FRA10AC1: variants seen among roughly 807,000 people sequenced by gnomAD.
FRA10AC1 encodes the protein protein FRA10AC1.
Under a neutral mutation model 56.5 loss-of-function variants are expected in FRA10AC1, and 43 were observed. That is an observed-to-expected ratio of 0.76 (90% CI 0.60 to 0.98). The LOEUF (loss-of-function observed/expected upper bound fraction) is 0.98. FRA10AC1 is among the 50% of genes least tolerant of loss of function. The probability of loss-of-function intolerance (pLI) is 0.00; values close to 1 mark genes in which losing one functional copy is unlikely to be tolerated. For missense variants in FRA10AC1, 346 were observed against 351.8 expected (o/e 0.98, Z 0.13); for synonymous variants, 112 against 110.5 (o/e 1.01, Z -0.09).
chr10:93,691,996 G>A lies in FRA10AC1; in HGVS notation c.465+13C>T, dbSNP rs749360774. ...AATAAGAACCTCTTTCCATAAATATGTGGAAAGCATACCTTATTTTCTTTA... is the reference window on the plus strand; with the variant it reads ...AATAAGAACCTCTTTCCATAAATATATGGAAAGCATACCTTATTTTCTTTA... On this transcript the variant is annotated intron_variant, in intron 7 of 13. Transcript: ENST00000359204. The A allele has an allele frequency of 1.3e-5, 20 of 1,563,396 alleles. No individual in the cohort carries two copies. The highest frequency in any genetic ancestry group is 1.6e-5 in the Non-Finnish European group (19 of 1,154,186).
chr10:93,698,065 T>A (rs1261345453), intron 4 of FRA10AC1, 71 bp downstream of exon 4: 4 of 879,010 alleles, frequency 4.6e-6, no homozygotes, highest in Non-Finnish European at 6.7e-6. Context: ...TTCACAAGAT[T>A]TTATAAAACA....
intron 10 of FRA10AC1, 57 bp downstream of exon 10, chr10:93,683,999 T>C: frequency 8.7e-7 from 1 of 1,151,094 alleles, no homozygotes; most frequent in Non-Finnish European, 1.3e-6. Context: ...TTAGTGCAGG[T>C]AAATGACTAT....
chr10:93,669,669 G>C lies in FRA10AC1; in HGVS notation c.*157C>G. 1 of 608,384 alleles carries C rather than the reference G, an allele frequency of 1.6e-6. No individual in the cohort carries two copies. The highest frequency in any genetic ancestry group is 2.9e-6 in the Non-Finnish European group (1 of 340,974). The allele number at this position is 608,384 out of a possible 1,614,324, so 37.7% of individuals were successfully genotyped here. On this transcript the variant is annotated 3_prime_UTR_variant, in exon 14 of 14. Coordinates refer to ENST00000359204, the MANE Select transcript of FRA10AC1 (RefSeq NM_145246.5). ...TTAATTGAACTAATGAACTTCCAAA[G>C]CCTCTGACATTCTGAGAGAACCTGG... is the stretch of plus-strand genomic sequence containing the variant.
chr10:93,685,388 G>T, intron 8 of FRA10AC1, 29 bp from the exon 9 acceptor site: 1 of 964,142 alleles, frequency 1.0e-6, no homozygotes, highest in South Asian at 1.4e-5. Context: ...TATTAGCTAT[G>T]GTAGTTGGTG....
Position 93,692,749 on chromosome 10 carries a change from C to T in FRA10AC1, c.297-20G>A. The T allele has an allele frequency of 6.6e-7, 1 of 1,507,794 alleles. No individual in the cohort carries two copies. Among genetic ancestry groups the T allele is most frequent in the Non-Finnish European group, 9.0e-7 (1 of 1,116,618 alleles). 93.4% of individuals were successfully genotyped at this position (1,507,794 alleles called of 1,614,324 possible). Reference sequence around the variant, plus strand: ...TTTTCCCTGGAAAACAGAACTTTTTCAATTTAATACAAAAACAAAAGTAGT... The same window carrying T: ...TTTTCCCTGGAAAACAGAACTTTTTTAATTTAATACAAAAACAAAAGTAGT... On this transcript the variant is annotated intron_variant, in intron 5 of 13. Transcript: ENST00000359204.
chr10:93,672,189 T>C, intron 12 of FRA10AC1: 1 of 354,456 alleles, frequency 2.8e-6, no homozygotes, highest in Non-Finnish European at 5.4e-6. Flanking sequence ...ACGGTAGTTC[T>C]AGCCTTTTAC....
chr10:93,702,253 CAA>C (rs569149091), intron 1 of FRA10AC1, 120 bp downstream of exon 1: 5 of 101,826 alleles, frequency 4.9e-5, no homozygotes, highest in African/African-American at 3.5e-5. Flanking sequence ...ATCTGTCATC[CAA>C]AAAAAAAAAA....
intron 12 of FRA10AC1, chr10:93,675,444 C>T (rs2422323): frequency 0.4 from 60,152 of 152,090 alleles, 14,471 homozygotes; most frequent in Non-Finnish European, 0.52. Context: ...TGGTGGCTCA[C>T]GCCTGTAATC....
Position 93,700,021 on chromosome 10 carries a change from A to G in FRA10AC1, c.77+9T>C, listed in dbSNP as rs938174996. ...GTGAAAAATAGATCAATAAAAAAAA[A>G]TTACTTACCTTTTTTTCCTTTTGCT... On this transcript the variant is annotated intron_variant, in intron 2 of 13. Coordinates refer to ENST00000359204, the MANE Select transcript of FRA10AC1 (RefSeq NM_145246.5). The G allele has an allele frequency of 1.4e-6, 2 of 1,468,942 alleles. No individual in the cohort carries two copies. Among genetic ancestry groups the G allele is most frequent in the Non-Finnish European group, 1.9e-6 (2 of 1,058,888 alleles). 91.0% of individuals were successfully genotyped at this position (1,468,942 alleles called of 1,614,324 possible).
intron 12 of FRA10AC1, chr10:93,675,816 C>T (rs2058831030): frequency 6.1e-6 from 1 of 163,304 alleles, no homozygotes; most frequent in Non-Finnish European, 1.4e-5. Context: ...TGAACTACAC[C>T]TTATTATTAG....
chr10:93,700,858 G>T (rs1434143403), intron 1 of FRA10AC1, among the ~76,000 whole-genome samples: 4 of 152,106 alleles, frequency 2.6e-5, no homozygotes, highest in Non-Finnish European at 4.4e-5. Context: ...TTTTTGGAGA[G>T]TCTCGCTCTA....
At chr10:93,688,415 G>C (rs1208361808) in intron 7 of FRA10AC1, among the ~76,000 whole-genome samples, 1 of 152,074 alleles carries the variant, frequency 6.6e-6, no homozygotes, top group Non-Finnish European at 1.5e-5. Context: ...ATTCTCTATG[G>C]TACTATAATG....
chr10:93,686,714 AAAGT>A (rs757959690), intron 8 of FRA10AC1, among the ~76,000 whole-genome samples: 12 of 151,854 alleles, frequency 7.9e-5, no homozygotes, highest in South Asian at 2.1e-4. Context: ...AAGGTTTTTT[AAAGT>A]AAGTTTAAAA....
intron 2 of FRA10AC1, 60 bp from the exon 3 acceptor site, chr10:93,698,456 T>C: frequency 2.1e-6 from 2 of 939,354 alleles, no homozygotes; most frequent in Non-Finnish European, 1.6e-6. Flanking sequence ...TCTAATTCTT[T>C]ATATTTTCAT....
At chr10:93,672,114 G>A in intron 12 of FRA10AC1, 1 of 438,642 alleles carries the variant, frequency 2.3e-6, no homozygotes, top group South Asian at 1.7e-5. Context: ...GCACAAATGT[G>A]GCCTGTCAAT....
At chr10:93,675,762 TATGAG>T (rs2058830325) in intron 12 of FRA10AC1, 1 of 265,224 alleles carries the variant, frequency 3.8e-6, no homozygotes, top group Non-Finnish European at 8.3e-6. Flanking sequence ...TCTAAATTTC[TATGAG>T]ATAAGTCCAG....
intron 11 of FRA10AC1, among the ~76,000 whole-genome samples, chr10:93,679,926 A>G (rs2058904046): frequency 6.6e-6 from 1 of 152,194 alleles, no homozygotes; most frequent in African/African-American, 2.4e-5. Flanking sequence ...GGGGAAAGAA[A>G]GTATCAAGGA....
intron 12 of FRA10AC1, chr10:93,675,612 G>C: frequency 3.3e-6 from 1 of 306,100 alleles, no homozygotes; most frequent in Non-Finnish European, 7.1e-6. Flanking sequence ...GGCTGAGGCA[G>C]GAGAATCACT....
chr10:93,670,701 T>C, intron 13 of FRA10AC1, 69 bp downstream of exon 13: 4 of 991,890 alleles, frequency 4.0e-6, no homozygotes, highest in Non-Finnish European at 6.3e-6. Context: ...TTTCCATTAA[T>C]AAAGCTGTGG....
Sources: allele counts gnomAD v4.1 joint callset (sites outside exome capture counted in the v4.1 genomes callset), GRCh38; gene constraint gnomAD v4.1.1; transcripts MANE v1.5; gene names NCBI Gene and HGNC (gene_info 2026-07-23, HGNC 2026-07-21).